Variants in C20orf203 observed in about 807,000 individuals in gnomAD.
The protein encoded by C20orf203 is uncharacterized protein C20orf203.
A neutral mutation model predicts 15.9 loss-of-function variants in C20orf203; 16 were observed. The observed-to-expected ratio is 1.01, with a 90% CI of 0.68 to 1.53. C20orf203 has a LOEUF of 1.53. Among genes scored for constraint, C20orf203 ranks in the 40% most tolerant of loss-of-function variants. C20orf203 has a pLI of 0.00. For missense variants in C20orf203, 263 were observed against 247.5 expected (o/e 1.06, Z -0.42); for synonymous variants, 98 against 97.2 (o/e 1.01, Z -0.05).
intron 5 of C20orf203, among the ~76,000 whole-genome samples, chr20:32,637,895 T>C (rs993578996): frequency 6.6e-6 from 1 of 151,902 alleles, no homozygotes; most frequent in African/African-American, 2.4e-5. Flanking sequence ...TAGGTGTGTG[T>C]GCATGTGCCT....
chr20:32,639,632 A>G (rs912122578), intron 5 of C20orf203, among the ~76,000 whole-genome samples: 1 of 151,466 alleles, frequency 6.6e-6, no homozygotes, highest in Non-Finnish European at 1.5e-5. Context: ...AATAGTAAAA[A>G]AAAAAAAAAA....
intron 4 of C20orf203, among the ~76,000 whole-genome samples, chr20:32,645,233 G>C (rs1377507258): frequency 6.6e-6 from 1 of 152,180 alleles, no homozygotes; most frequent in Non-Finnish European, 1.5e-5. Flanking sequence ...GGGAAGACAG[G>C]TAGAGAAATC....
intron 1 of C20orf203, among the ~76,000 whole-genome samples, chr20:32,661,464 A>G (rs966702155): frequency 7.9e-5 from 12 of 152,344 alleles, no homozygotes; most frequent in African/African-American, 2.9e-4. Context: ...GATGTGCTCC[A>G]GTGGTGTCCA....
rs1485811730 is a variant in C20orf203 at position 32,650,771 on chromosome 20, G to T, written c.246C>A (p.Arg82=). The change falls in exon 4 of 6, where the codon CGC becomes CGA. Residue 82 remains arginine, a synonymous_variant. Coordinates refer to ENST00000608990, the MANE Select transcript of C20orf203 (RefSeq NM_182584.4). ...CTGGGTGTTGCGGAGGAGGAGGCTG[G>T]CGCTGGTGGCTGGGCTGGGGGTGGA... The part of the protein sequence containing the change: ...QRVHPQPSHQ[R]QPPPPQHPGP... 9 of 1,516,010 alleles carry T rather than the reference G, an allele frequency of 5.9e-6. No homozygotes were observed. Among genetic ancestry groups the T allele is most frequent in the Non-Finnish European group, 8.0e-6 (9 of 1,129,584 alleles). The allele number at this position is 1,516,010 out of a possible 1,614,324, so 93.9% of individuals were successfully genotyped here. A position where few individuals can be genotyped will look rare whatever the true frequency, so the allele number is the denominator to read the frequency against.
intron 1 of C20orf203, among the ~76,000 whole-genome samples, chr20:32,670,870 A>G (rs1020330911): frequency 1.3e-5 from 2 of 152,166 alleles, no homozygotes; most frequent in Non-Finnish European, 2.9e-5. Flanking sequence ...TAGGCAAAGG[A>G]CTTGAATAGG....
At position 32,633,765 on chromosome 20, in the gene C20orf203, G is replaced by A. The variant is rs1187947181; in HGVS notation, c.*1805C>T. 6 of 350,728 alleles carry A rather than the reference G, an allele frequency of 1.7e-5. No individual in the cohort carries two copies. The highest frequency in any genetic ancestry group is 6.3e-5 in the African/African-American group (3 of 47,660). 21.7% of individuals were successfully genotyped at this position (350,728 alleles called of 1,614,324 possible). On this transcript the variant is annotated 3_prime_UTR_variant, in exon 6 of 6. Transcript: ENST00000608990. ...GGTGCCTCCTGCCTCTGACTCCTCC[G>A]GCCAGTCGCCCTGACAGCCCCCTCA...
At chr20:32,662,895 A>AAG (rs1328334106) in intron 1 of C20orf203, among the ~76,000 whole-genome samples, 1 of 150,006 alleles carries the variant, frequency 6.7e-6, no homozygotes, top group Non-Finnish European at 1.5e-5. Flanking sequence ...AAAAAAAAAA[A>AAG]AAAAACAAGA....
At chr20:32,652,217 G>A (rs1308928413) in intron 1 of C20orf203, among the ~76,000 whole-genome samples, 2 of 146,912 alleles carry the variant, frequency 1.4e-5, no homozygotes, top group Non-Finnish European at 3.0e-5. Context: ...ACTGAGGCAC[G>A]AGAATCACTT....
chr20:32,645,024 G>A (rs1196110943), intron 4 of C20orf203, among the ~76,000 whole-genome samples: 3 of 151,982 alleles, frequency 2.0e-5, no homozygotes, highest in East Asian at 1.9e-4. Context: ...GCCACACCTC[G>A]CTCTCCAGGC....
intron 1 of C20orf203, among the ~76,000 whole-genome samples, chr20:32,665,418 A>G (rs1300183842): frequency 6.6e-6 from 1 of 152,194 alleles, no homozygotes; most frequent in Non-Finnish European, 1.5e-5. Context: ...CACTCCACCC[A>G]GGGAAGAAAG....
At chr20:32,638,228 T>C (rs572505022) in intron 5 of C20orf203, among the ~76,000 whole-genome samples, 2 of 152,222 alleles carry the variant, frequency 1.3e-5, no homozygotes, top group Non-Finnish European at 2.9e-5. Context: ...CCAACATATA[T>C]TGAACACTTG....
In C20orf203 at chr20:32,650,964, C is replaced by T. The variant is rs563884136; in HGVS notation, c.135+54G>A. 4.9e-6 allele frequency: 7 copies of T among 1,442,106 alleles called. No homozygotes were observed. In the African/African-American group the frequency reaches 8.6e-5, roughly 18 times the overall value. The allele number at this position is 1,442,106 out of a possible 1,614,324, so 89.3% of individuals were successfully genotyped here. A position where few individuals can be genotyped will look rare whatever the true frequency, so the allele number is the denominator to read the frequency against. ...GGGGCTTTAGGTCTTCCCTAATTTC[C>T]CAACAGTCCCCAGTGTCAGCCCAGG... On this transcript the variant is annotated intron_variant, in intron 3 of 5. Coordinates refer to ENST00000608990, the MANE Select transcript of C20orf203 (RefSeq NM_182584.4).
chr20:32,650,646 C>G lies in C20orf203; in HGVS notation c.371G>C (p.Arg124Thr), dbSNP rs756316988. ...KVGRRDREVG[R>T]GLRAPAGRGR... ...CCGCCCAGCAGGGGCCCGCAGCCCCCTCCCCACTTCCCTATCTCTCCGACC... is the reference window on the plus strand; with the variant it reads ...CCGCCCAGCAGGGGCCCGCAGCCCCGTCCCCACTTCCCTATCTCTCCGACC... The change falls in exon 4 of 6, where the codon AGG becomes ACG. Residue 124 changes from arginine to threonine, a missense_variant. Arg to Thr is a moderately conservative substitution (Grantham distance 71). Coordinates refer to ENST00000608990, the MANE Select transcript of C20orf203 (RefSeq NM_182584.4). 3 of 1,548,924 alleles carry G rather than the reference C, an allele frequency of 1.9e-6. No homozygotes were observed. The highest frequency in any genetic ancestry group is 2.0e-5 in the Admixed American group (1 of 50,958).
Position 32,650,714 on chromosome 20 carries a change from CCCA to C in C20orf203, c.300_302del (p.Gly101del). On this transcript the variant is annotated inframe_deletion, in exon 4 of 6. Coordinates refer to ENST00000608990, the MANE Select transcript of C20orf203 (RefSeq NM_182584.4). ...GGCCTCCAACTTCCCCCCACCCCTC[CCCA>C]CCAACCCAAATCCTTTCCTGATAAG... The C allele has an allele frequency of 1.9e-6, 3 of 1,547,036 alleles. No homozygotes were observed. The highest frequency in any genetic ancestry group is 2.6e-6 in the Non-Finnish European group (3 of 1,145,064).
chr20:32,645,693 A>G (rs140618394), intron 4 of C20orf203, among the ~76,000 whole-genome samples: 47 of 152,246 alleles, frequency 3.1e-4, no homozygotes, highest in Middle Eastern at 3.4e-3. Context: ...CTTTTCCACC[A>G]TACCACCCAT....
intron 1 of C20orf203, among the ~76,000 whole-genome samples, chr20:32,668,115 C>T (rs982086207): frequency 4.6e-5 from 7 of 152,150 alleles, no homozygotes; most frequent in African/African-American, 1.7e-4. Flanking sequence ...TGTCTTCATC[C>T]GGACACCAGA....
At chr20:32,643,091 G>T (rs1427543135) in intron 4 of C20orf203, among the ~76,000 whole-genome samples, 2 of 152,142 alleles carry the variant, frequency 1.3e-5, no homozygotes, top group Admixed American at 1.3e-4. Context: ...CCGCATGAAG[G>T]TGCACCTCGG....
At chr20:32,637,959 C>T (rs146652196) in intron 5 of C20orf203, among the ~76,000 whole-genome samples, 2 of 151,484 alleles carry the variant, frequency 1.3e-5, no homozygotes, top group Admixed American at 6.6e-5. Flanking sequence ...CGTGTGTGTG[C>T]GCCCATGTGT....
chr20:32,636,039 C>T (rs1344533126), intron 5 of C20orf203, among the ~76,000 whole-genome samples: 2 of 152,162 alleles, frequency 1.3e-5, no homozygotes. Flanking sequence ...GTTCCCCCAG[C>T]CCCCAGGCCC....
Sources: allele counts gnomAD v4.1 joint callset (sites outside exome capture counted in the v4.1 genomes callset), GRCh38; gene constraint gnomAD v4.1.1; transcripts MANE v1.5; gene names NCBI Gene and HGNC (gene_info 2026-07-23, HGNC 2026-07-21).